The following INPP5D variants were observed in gnomAD, a reference collection of about 807,000 sequenced individuals.
The protein encoded by INPP5D is phosphatidylinositol 3,4,5-trisphosphate 5-phosphatase 1.
INPP5D carries 33 observed loss-of-function variants against 122.9 expected under a neutral mutation model. The observed-to-expected ratio is 0.27, with a 90% confidence interval of 0.20 to 0.36. The LOEUF is 0.36. Among genes scored for constraint, INPP5D ranks in the 10% least tolerant of loss-of-function variants. INPP5D has a pLI of 1.00. For synonymous variants in INPP5D, 584 were observed against 576.2 expected (o/e 1.01, Z -0.19); for missense variants, 1,053 against 1,412.7 (o/e 0.75, Z 4.08).
chr2:233,200,977 TAAATAAATAAATAAATAAATA>T (rs2106328006), intron 25 of INPP5D, among the ~76,000 whole-genome samples: 1 of 92,214 alleles, frequency 1.1e-5, no homozygotes, highest in East Asian at 6.2e-4. Flanking sequence ...AATAAATAAA[TAAATAAATAAATAAATAAATA>T]AATAAATAAA....
At chr2:233,156,156 G>A (rs982333530) in intron 9 of INPP5D, among the ~76,000 whole-genome samples, 1 of 152,248 alleles carries the variant, frequency 6.6e-6, no homozygotes, top group Non-Finnish European at 1.5e-5. Flanking sequence ...CCAGGGAAAG[G>A]GGCCACTGGG....
intron 25 of INPP5D, among the ~76,000 whole-genome samples, chr2:233,201,910 G>T (rs1695350208): frequency 6.6e-6 from 1 of 152,194 alleles, no homozygotes; most frequent in Non-Finnish European, 1.5e-5. Flanking sequence ...TGCTATAGGA[G>T]TCAATTTCTT....
Position 233,105,092 on chromosome 2 carries a change from C to G in INPP5D, c.199-17015C>G, listed in dbSNP as rs1052883548. Among the ~76,000 whole-genome samples the G allele has an allele frequency of 8.3e-4, 127 of 152,284 alleles. No homozygotes were observed. The highest frequency in any genetic ancestry group is 3.0e-3 in the African/African-American group (125 of 41,562). On this transcript the variant is annotated intron_variant, in intron 2 of 26. Coordinates refer to ENST00000445964, the MANE Select transcript of INPP5D (RefSeq NM_001017915.3). This position sits in a 1 kb window ranked among gnomAD's most constrained non-coding sequence, Gnocchi z 4.0. ...GGGAATGTGGACCTCCCGGGTTTCTCCTGGATTTCCCCATAGGTGAGGTGG... is the reference window on the plus strand; with the variant it reads ...GGGAATGTGGACCTCCCGGGTTTCTGCTGGATTTCCCCATAGGTGAGGTGG...
At chr2:233,066,712 T>C (rs1210425640) in intron 1 of INPP5D, among the ~76,000 whole-genome samples, 2 of 152,180 alleles carry the variant, frequency 1.3e-5, no homozygotes, top group Non-Finnish European at 2.9e-5. Flanking sequence ...GTTGAAGTGA[T>C]TCTCCTGCCT....
At chr2:233,140,210 T>C in intron 6 of INPP5D, 1 of 215,732 alleles carries the variant, frequency 4.6e-6, no homozygotes, top group Non-Finnish European at 9.2e-6. Flanking sequence ...AAGCAGGGCC[T>C]GTTCCCATCA....
Position 233,204,230 on chromosome 2 carries a change from C to G in INPP5D, c.3080C>G (p.Ser1027Cys). 3.1e-6 allele frequency: 5 copies of G among 1,613,548 alleles called. No individual in the cohort carries two copies. The highest frequency in any genetic ancestry group is 4.2e-6 in the Non-Finnish European group (5 of 1,179,828). The change falls in exon 26 of 27, where the codon TCC becomes TGC. Residue 1027 changes from serine (S) to cysteine (C), a missense_variant. Physicochemically the swap from Ser to Cys is moderately radical, Grantham distance 112. Around this residue, in one of 6 missense-constraint regions of INPP5D, gnomAD observed 417 missense variants for 425.8 expected, o/e 0.98. Coordinates refer to ENST00000445964, the MANE Select transcript of INPP5D (RefSeq NM_001017915.3). ...AACCCCCTGTATGGGTCCCTGAGTT[C>G]CTTCCCTAAGCCTGCTCCCAGGAAG... ...FENPLYGSLS[S>C]FPKPAPRKDQ...
chr2:233,191,567 C>A (rs533061663), intron 22 of INPP5D, among the ~76,000 whole-genome samples: 1 of 152,222 alleles, frequency 6.6e-6, no homozygotes, highest in South Asian at 2.1e-4. Flanking sequence ...CTGGGGACAC[C>A]ATCAGAAGAG....
chr2:233,135,192 C>CTT lies in INPP5D; in HGVS notation c.665+4557_665+4558dup, dbSNP rs56018008. Among the ~76,000 whole-genome samples, 348 of 146,920 alleles carry CTT rather than the reference C, an allele frequency of 2.4e-3. 1 individual carries two copies. The highest frequency in any genetic ancestry group is 5.5e-3 in the East Asian group (28 of 5,072). On this transcript the variant is annotated intron_variant, in intron 5 of 26. Transcript: ENST00000445964. ...CAATCAAACAGCAACACTGAAACATCTTTTTTTTTTTTTTCTTATAAAGAG... is the reference window on the plus strand; with the variant it reads ...CAATCAAACAGCAACACTGAAACATCTTTTTTTTTTTTTTTTCTTATAAAGAG...
chr2:233,142,984 C>G (rs1693662268), intron 6 of INPP5D, among the ~76,000 whole-genome samples: 1 of 152,166 alleles, frequency 6.6e-6, no homozygotes, highest in African/African-American at 2.4e-5. Flanking sequence ...TCAGACATTG[C>G]CAAATGTCCC....
At chr2:233,104,656 A>G (rs569187968) in intron 2 of INPP5D, among the ~76,000 whole-genome samples, 3 of 152,290 alleles carry the variant, frequency 2.0e-5, no homozygotes, top group East Asian at 1.9e-4. Flanking sequence ...CAGCTCTTCT[A>G]TAAAGTTGGG....
At chr2:233,089,116 C>T (rs891816459) in intron 2 of INPP5D, among the ~76,000 whole-genome samples, 4 of 152,052 alleles carry the variant, frequency 2.6e-5, no homozygotes, top group Non-Finnish European at 4.4e-5. Context: ...AAGACAGAGG[C>T]GGGGTGAGGG....
At chr2:233,118,060 A>T (rs1418398042) in intron 2 of INPP5D, among the ~76,000 whole-genome samples, 1 of 152,154 alleles carries the variant, frequency 6.6e-6, no homozygotes, top group Non-Finnish European at 1.5e-5. Flanking sequence ...AGCTGGGTGG[A>T]TATGGACCTG....
intron 22 of INPP5D, 39 bp from the exon 23 acceptor site, chr2:233,193,773 G>A: frequency 6.2e-7 from 1 of 1,613,212 alleles, no homozygotes; most frequent in Non-Finnish European, 8.5e-7. Context: ...CCATGAAAAG[G>A]CAGGGTCTTC....
intron 23 of INPP5D, among the ~76,000 whole-genome samples, chr2:233,194,605 T>C (rs534364164): frequency 1.3e-3 from 199 of 149,718 alleles, no homozygotes; most frequent in African/African-American, 4.6e-3. Context: ...TCAAGTGATT[T>C]TCCATCTTCA....
intron 1 of INPP5D, among the ~76,000 whole-genome samples, chr2:233,073,042 C>G (rs1015923575): frequency 3.9e-5 from 6 of 152,206 alleles, no homozygotes; most frequent in African/African-American, 1.4e-4. Flanking sequence ...CTGCAGCAGG[C>G]AGGGTGGGGT....
chr2:233,198,661 A>G (rs948652806), intron 25 of INPP5D, among the ~76,000 whole-genome samples: 3 of 152,230 alleles, frequency 2.0e-5, no homozygotes, highest in East Asian at 1.9e-4. Flanking sequence ...ATCAAAAAAC[A>G]TGTTTTGGGC....
At chr2:233,180,585 G>C (rs1224995202) in intron 18 of INPP5D, among the ~76,000 whole-genome samples, 1 of 152,168 alleles carries the variant, frequency 6.6e-6, no homozygotes, top group East Asian at 1.9e-4. Context: ...TGTTATCCAG[G>C]CTGGAGTGCA....
intron 1 of INPP5D, among the ~76,000 whole-genome samples, chr2:233,075,568 A>T (rs935202255): frequency 6.6e-6 from 1 of 151,962 alleles, no homozygotes; most frequent in African/African-American, 2.4e-5. Flanking sequence ...ATGTATACAC[A>T]TGTATGCATA....
Position 233,146,163 on chromosome 2 carries a change from T to A in INPP5D, c.755T>A (p.Val252Asp). 1.4e-6 allele frequency: 1 copy of A among 704,192 alleles called. No homozygotes were observed. The allele number at this position is 704,192 out of a possible 1,614,324, so 43.6% of individuals were successfully genotyped here. A position where few individuals can be genotyped will look rare whatever the true frequency, so the allele number is the denominator to read the frequency against. The change falls in exon 7 of 27, where the codon GTT (valine) becomes GAT (aspartate). Residue 252 changes from valine to aspartate, a missense_variant and splice_region_variant. Physicochemically the swap from Val to Asp is radical, Grantham distance 152 (BLOSUM62 -3). Transcript: ENST00000445964. Reference protein sequence around the residue: ...LSPGLRPRPQVPGEANPINMV... With the variant: ...LSPGLRPRPQDPGEANPINMV... ...GATCCTCTTTCCCTCCTCTCCCAGGTTCCTGGTGAGGCCAATCCCATCAAC... is the reference window on the plus strand; with the variant it reads ...GATCCTCTTTCCCTCCTCTCCCAGGATCCTGGTGAGGCCAATCCCATCAAC...
Sources: allele counts gnomAD v4.1 joint callset (sites outside exome capture counted in the v4.1 genomes callset), GRCh38; gene constraint gnomAD v4.1.1; regional missense constraint gnomAD v4.1.1; non-coding constraint Gnocchi (gnomAD v3.1); transcripts MANE v1.5; gene names NCBI Gene and HGNC (gene_info 2026-07-23, HGNC 2026-07-21).